Variants in CAV1 observed in about 807,000 individuals in gnomAD.
CAV1 encodes caveolin 1.
Under a neutral mutation model 16.5 loss-of-function variants are expected in CAV1, and 10 were observed. The observed-to-expected ratio is 0.61, with a 90% CI of 0.37 to 1.03. The LOEUF (loss-of-function observed/expected upper bound fraction) is 1.03, where lower values mean the gene tolerates loss of function less well. Among genes scored for constraint, CAV1 ranks in the 50% least tolerant of loss-of-function variants. The pLI is 0.01. For synonymous variants in CAV1, 76 were observed against 85.1 expected, an observed-to-expected ratio of 0.89 and a Z score of 0.59; for missense variants, 212 against 232.8, an observed-to-expected ratio of 0.91 and a Z score of 0.58.
chr7:116,550,924 T>C (rs930439985), intron 2 of CAV1, among the ~76,000 whole-genome samples: 20 of 152,150 alleles, frequency 1.3e-4, no homozygotes, highest in African/African-American at 4.8e-4. Context: ...TCTCAAAAAG[T>C]AGCTCCACTC....
intron 2 of CAV1, among the ~76,000 whole-genome samples, chr7:116,529,818 A>G (rs1793646361): frequency 6.6e-6 from 1 of 152,238 alleles, no homozygotes; most frequent in South Asian, 2.1e-4. Context: ...AAAAATATTA[A>G]GTAGCTTGTG....
intron 2 of CAV1, among the ~76,000 whole-genome samples, chr7:116,528,904 A>T (rs1793627774): frequency 6.6e-6 from 1 of 152,140 alleles, no homozygotes; most frequent in Admixed American, 6.5e-5. Flanking sequence ...ATCTGGGATC[A>T]CTGCAACCTC....
intron 2 of CAV1, among the ~76,000 whole-genome samples, chr7:116,551,082 T>C (rs1358581067): frequency 6.6e-6 from 1 of 152,146 alleles, no homozygotes; most frequent in Non-Finnish European, 1.5e-5. Flanking sequence ...CATGGCACAC[T>C]CTAGTCTTTT....
At chr7:116,558,846 A>G (rs1794344052) in intron 2 of CAV1, 100 bp from the exon 3 acceptor site, 1 of 888,080 alleles carries the variant, frequency 1.1e-6, no homozygotes, top group South Asian at 1.4e-5. Flanking sequence ...GAACGAACTC[A>G]TAAATGCTAA....
At chr7:116,543,473 G>A (rs909690302) in intron 2 of CAV1, among the ~76,000 whole-genome samples, 3 of 152,210 alleles carry the variant, frequency 2.0e-5, no homozygotes, top group Admixed American at 2.0e-4. Flanking sequence ...AAGAGTTGGA[G>A]TTCATTTCCC....
At chr7:116,534,063 A>G (rs1365300379) in intron 2 of CAV1, among the ~76,000 whole-genome samples, 2 of 151,682 alleles carry the variant, frequency 1.3e-5, no homozygotes, top group Non-Finnish European at 2.9e-5. Context: ...CTAAAAATAC[A>G]AAAGATTAGC....
At position 116,558,950 on chromosome 7, in the gene CAV1, A is replaced by C. The variant is rs1467154652; in HGVS notation, c.200A>C (p.Asp67Ala). 2 of 1,611,634 alleles carry C rather than the reference A, an allele frequency of 1.2e-6. No homozygotes were observed. ...KHLNDDVVKI[D>A]FEDVIAEPEG... is the part of the protein sequence containing the mutation. ...TGTGTCACTTCTTCCTTTTAGATTG[A>C]CTTTGAAGATGTGATTGCAGAACCA... The change falls in exon 3 of 3, where the codon GAC (aspartate) becomes GCC (alanine). Residue 67 changes from aspartate (D) to alanine (A), a missense_variant. Physicochemically the swap from Asp to Ala is moderately radical, Grantham distance 126 (BLOSUM62 -2). Coordinates refer to ENST00000341049, the MANE Select transcript of CAV1 (RefSeq NM_001753.5).
chr7:116,530,210 T>C (rs796133196), intron 2 of CAV1, among the ~76,000 whole-genome samples: 1 of 147,466 alleles, frequency 6.8e-6, no homozygotes, highest in African/African-American at 2.5e-5. Context: ...CCTTTTTCCT[T>C]TTTTTTTTTT....
intron 1 of CAV1, 191 bp downstream of exon 1, chr7:116,525,283 T>G (rs1793533227): frequency 6.4e-7 from 1 of 1,566,572 alleles, no homozygotes; most frequent in Non-Finnish European, 8.6e-7. Context: ...ATGTTTTATG[T>G]TTTCCTAATG....
intron 2 of CAV1, among the ~76,000 whole-genome samples, chr7:116,547,492 A>G (rs1377452576): frequency 6.6e-6 from 1 of 152,164 alleles, no homozygotes; most frequent in African/African-American, 2.4e-5. Flanking sequence ...TCTCTGACAC[A>G]TCTGTGCACT....
At chr7:116,540,707 A>AT (rs1295056155) in intron 2 of CAV1, among the ~76,000 whole-genome samples, 1 of 152,262 alleles carries the variant, frequency 6.6e-6, no homozygotes, top group Non-Finnish European at 1.5e-5. Flanking sequence ...ACTTAGACAA[A>AT]TTACAATAGC....
At chr7:116,541,245 G>A (rs181392087) in intron 2 of CAV1, among the ~76,000 whole-genome samples, 3 of 152,240 alleles carry the variant, frequency 2.0e-5, no homozygotes, top group African/African-American at 7.2e-5. Context: ...AAAGGAATAA[G>A]GAGCCAAGAG....
At position 116,559,076 on chromosome 7, in the gene CAV1, T is replaced by A. The variant is rs1437941134; in HGVS notation, c.326T>A (p.Ile109Asn). ...CGCTTGCTGTCTGCCCTCTTTGGCA[T>A]CCCGATGGCACTCATCTGGGGCATT... The part of the protein sequence containing the change: ...FYRLLSALFG[I>N]PMALIWGIYF... The change falls in exon 3 of 3, where the codon ATC becomes AAC. Residue 109 changes from isoleucine (I) to asparagine (N), a missense_variant. Physicochemically the swap from Ile to Asn is moderately radical, Grantham distance 149. Transcript: ENST00000341049. The A allele has an allele frequency of 1.7e-5, 27 of 1,613,932 alleles. No homozygotes were observed. The highest frequency in any genetic ancestry group is 1.6e-4 in the Middle Eastern group (1 of 6,062).
chr7:116,525,304 C>A (rs1325863442), intron 1 of CAV1: 1 of 1,553,628 alleles, frequency 6.4e-7, no homozygotes. Flanking sequence ...GAGAGGGGGC[C>A]TAGGGAGCCC....
At chr7:116,542,646 C>T (rs1793963711) in intron 2 of CAV1, 2 of 152,222 alleles carry the variant, frequency 1.3e-5, no homozygotes, top group Admixed American at 1.3e-4. Flanking sequence ...TTCTTGCACA[C>T]TGCTTTAGCA....
chr7:116,558,828 C>T, intron 2 of CAV1, 118 bp from the exon 3 acceptor site: 2 of 762,638 alleles, frequency 2.6e-6, no homozygotes, highest in Non-Finnish European at 4.5e-6. Flanking sequence ...CTTTAAGCAT[C>T]TCACAAAGAA....
At chr7:116,543,288 C>T (rs956308752) in intron 2 of CAV1, among the ~76,000 whole-genome samples, 2 of 152,124 alleles carry the variant, frequency 1.3e-5, no homozygotes, top group Non-Finnish European at 2.9e-5. Flanking sequence ...AGTGGAAGAC[C>T]TCTCATCAGT....
intron 2 of CAV1, among the ~76,000 whole-genome samples, chr7:116,541,750 C>T (rs1165515952): frequency 2.9e-5 from 1 of 34,350 alleles, no homozygotes; most frequent in Non-Finnish European, 5.6e-5. Context: ...TGAGAGCCTG[C>T]CTCAAAAAAA....
chr7:116,555,548 GAAAGAAAGAA>G (rs1562838397), intron 2 of CAV1, among the ~76,000 whole-genome samples: 57 of 30,468 alleles, frequency 1.9e-3, no homozygotes, highest in Non-Finnish European at 2.8e-3. Flanking sequence ...GAGAGAGAAA[GAAAGAAAGAA>G]AGAAAGAAAG....
Sources: gnomAD v4.1 joint callset for allele counts (sites outside exome capture counted in the v4.1 genomes callset) on GRCh38, gnomAD v4.1.1 for gene constraint, MANE v1.5 for transcripts, NCBI Gene and HGNC (gene_info 2026-07-23, HGNC 2026-07-21) for gene names.